The following TMC5 variants were observed in gnomAD, a reference collection of about 807,000 sequenced individuals.
TMC5 encodes transmembrane channel like 5.
In TMC5, 86 loss-of-function variants were observed where a neutral mutation model predicts 110.5. That is an observed-to-expected ratio of 0.78 (90% CI 0.65 to 0.93). The LOEUF (loss-of-function observed/expected upper bound fraction) is 0.93. Among genes scored for constraint, TMC5 ranks in the 40% least tolerant of loss-of-function variants. TMC5 has a pLI of 0.00. For synonymous variants in TMC5, 455 were observed against 439.5 expected, an observed-to-expected ratio of 1.04 and a Z score of -0.44; for missense variants, 1,144 against 1,222.8, an observed-to-expected ratio of 0.94 and a Z score of 0.96.
intron 2 of TMC5, among the ~76,000 whole-genome samples, chr16:19,438,673 G>A (rs146679237): frequency 0.028 from 4,299 of 152,184 alleles, 200 homozygotes; most frequent in African/African-American, 0.097. Flanking sequence ...CTTGAACCTA[G>A]GAGGCGGAGG....
At chr16:19,486,455 C>A (rs1358854509) in intron 15 of TMC5, among the ~76,000 whole-genome samples, 1 of 152,200 alleles carries the variant, frequency 6.6e-6, no homozygotes, top group Non-Finnish European at 1.5e-5. Context: ...CGGCTCACTG[C>A]AACCTCCGCC....
chr16:19,480,263 C>T (rs1968585629), intron 14 of TMC5, among the ~76,000 whole-genome samples: 2 of 152,090 alleles, frequency 1.3e-5, no homozygotes, highest in South Asian at 4.1e-4. Flanking sequence ...ATCTATCTAT[C>T]TATACAGAAT....
chr16:19,462,166 T>C (rs1293423949), intron 6 of TMC5, among the ~76,000 whole-genome samples: 1 of 152,206 alleles, frequency 6.6e-6, no homozygotes, highest in Non-Finnish European at 1.5e-5. Flanking sequence ...CCTCTGTCAC[T>C]GAATATGGGC....
intron 6 of TMC5, among the ~76,000 whole-genome samples, chr16:19,461,911 G>A (rs1053181756): frequency 1.3e-5 from 2 of 152,152 alleles, no homozygotes; most frequent in Non-Finnish European, 2.9e-5. Flanking sequence ...AATAGAGATT[G>A]CAATGGGAGG....
rs1968761121 is a variant in TMC5, at chr16:19,487,040, CCAT to C, written c.2439+23_2439+25del. The C allele has an allele frequency of 6.2e-7, 1 of 1,612,766 alleles. No individual in the cohort carries two copies. The highest frequency in any genetic ancestry group is 1.7e-5 in the Admixed American group (1 of 59,992). On this transcript the variant is annotated intron_variant, in intron 16 of 21. Coordinates refer to ENST00000542583, the MANE Select transcript of TMC5 (RefSeq NM_001261841.2). The stretch of plus-strand genomic sequence containing the variant: ...AAAAATGTGAGTCAGTCCGACATTG[CCAT>C]CAATCAGCTTTGTTCAGTCACCTGT...
chr16:19,458,386 T>C (rs1285371025), intron 5 of TMC5, among the ~76,000 whole-genome samples: 1 of 151,900 alleles, frequency 6.6e-6, no homozygotes, highest in African/African-American at 2.4e-5. Context: ...AATTTTTTTG[T>C]ATTTTTAGTA....
chr16:19,462,158 T>A (rs1177662176), intron 6 of TMC5, among the ~76,000 whole-genome samples: 1 of 152,204 alleles, frequency 6.6e-6, no homozygotes, highest in Admixed American at 6.6e-5. Context: ...TATGGCTGCC[T>A]CTGTCACTGA....
At chr16:19,491,687 C>G (rs952793503) in intron 18 of TMC5, among the ~76,000 whole-genome samples, 1 of 151,952 alleles carries the variant, frequency 6.6e-6, no homozygotes, top group African/African-American at 2.4e-5. Flanking sequence ...AGGCACCCAC[C>G]ACCACGCCCA....
intron 11 of TMC5, among the ~76,000 whole-genome samples, chr16:19,473,681 A>G (rs1288500801): frequency 6.6e-6 from 1 of 152,104 alleles, no homozygotes; most frequent in Non-Finnish European, 1.5e-5. Flanking sequence ...ATGGTAGCTT[A>G]ACAAAATAGT....
intron 18 of TMC5, among the ~76,000 whole-genome samples, chr16:19,491,357 G>A (rs201643818): frequency 6.6e-6 from 1 of 151,856 alleles, no homozygotes; most frequent in Admixed American, 6.6e-5. Context: ...GCAGTGGCTT[G>A]TGCCTGTAGT....
At chr16:19,490,315 C>A in intron 17 of TMC5, 80 bp from the exon 18 acceptor site, 1 of 1,417,620 alleles carries the variant, frequency 7.1e-7, no homozygotes, top group Non-Finnish European at 9.8e-7. Flanking sequence ...AGGCCCAGAG[C>A]CCAGAAGGGA....
At chr16:19,477,898 G>A (rs965331836) in intron 13 of TMC5, among the ~76,000 whole-genome samples, 1 of 152,160 alleles carries the variant, frequency 6.6e-6, no homozygotes, top group African/African-American at 2.4e-5. Context: ...TTTGGGGTTG[G>A]ACAAAATTCT....
At chr16:19,492,291 C>G in intron 19 of TMC5, 63 bp downstream of exon 19, 1 of 1,192,316 alleles carries the variant, frequency 8.4e-7, no homozygotes. Context: ...TATAAACATC[C>G]TCCAAAATAA....
intron 9 of TMC5, among the ~76,000 whole-genome samples, chr16:19,467,078 C>T (rs1188114378): frequency 4.0e-5 from 6 of 151,666 alleles, no homozygotes; most frequent in Middle Eastern, 3.2e-3. Context: ...CCCATTAGGT[C>T]GAGGCTGCAG....
intron 18 of TMC5, among the ~76,000 whole-genome samples, chr16:19,491,495 G>T (rs567316431): frequency 3.3e-5 from 5 of 151,894 alleles, no homozygotes; most frequent in East Asian, 1.9e-4. Flanking sequence ...CTGGGGGAAG[G>T]GGGGAAAGGT....
At chr16:19,430,663 T>G (rs1404523901) in intron 2 of TMC5, 23 bp downstream of exon 2, 1 of 152,154 alleles carries the variant, frequency 6.6e-6, no homozygotes, top group East Asian at 1.9e-4. Flanking sequence ...ACAGCTGAAT[T>G]TATTCGGTTA....
At chr16:19,439,772 T>C (rs1967437422) in intron 2 of TMC5, among the ~76,000 whole-genome samples, 188 bp from the exon 3 acceptor site, 1 of 152,156 alleles carries the variant, frequency 6.6e-6, no homozygotes. Flanking sequence ...TCACTGCTGC[T>C]CTCATCCCAT....
At chr16:19,449,508 C>A (rs759989392) in intron 4 of TMC5, 34 bp from the exon 5 acceptor site, 3 of 1,566,558 alleles carry the variant, frequency 1.9e-6, no homozygotes, top group Non-Finnish European at 8.8e-7. Context: ...TGTGGTGAGA[C>A]TAATCGGCAA....
intron 20 of TMC5, among the ~76,000 whole-genome samples, chr16:19,495,864 G>A (rs1169640336): frequency 6.6e-6 from 1 of 151,898 alleles, no homozygotes; most frequent in Non-Finnish European, 1.5e-5. Flanking sequence ...TGGGCACAGT[G>A]GCTCCCTCCT....
Sources: gnomAD v4.1 joint callset for allele counts (sites outside exome capture counted in the v4.1 genomes callset) on GRCh38, gnomAD v4.1.1 for gene constraint, MANE v1.5 for transcripts, NCBI Gene and HGNC (gene_info 2026-07-23, HGNC 2026-07-21) for gene names.